PITRM1: variants seen among roughly 807,000 people sequenced by gnomAD.
The protein encoded by PITRM1 is pitrilysin metallopeptidase 1, also known as presequence protease, mitochondrial.
A neutral mutation model predicts 129.9 loss-of-function variants in PITRM1; 100 were observed. That is an observed-to-expected ratio of 0.77 (90% confidence interval 0.65 to 0.91). The LOEUF (loss-of-function observed/expected upper bound fraction) is 0.91, where lower values mean the gene tolerates loss of function less well. Among genes scored for constraint, PITRM1 ranks in the 40% least tolerant of loss-of-function variants. The probability of loss-of-function intolerance (pLI) is 0.00; values close to 1 mark genes in which losing one functional copy is unlikely to be tolerated. For missense variants in PITRM1, 1,471 were observed against 1,318.3 expected, an observed-to-expected ratio of 1.12 and a Z score of -1.79; for synonymous variants, 591 against 508.8, an observed-to-expected ratio of 1.16 and a Z score of -2.17.
At chr10:3,142,362 T>A (rs567410871) in intron 23 of PITRM1, among the ~76,000 whole-genome samples, 3 of 152,334 alleles carry the variant, frequency 2.0e-5, no homozygotes, top group South Asian at 4.1e-4. Flanking sequence ...CCTTCTCCAA[T>A]CAGGACAGGC....
chr10:3,161,090 CTA>C (rs1842407909), intron 7 of PITRM1, among the ~76,000 whole-genome samples: 1 of 152,010 alleles, frequency 6.6e-6, no homozygotes, highest in African/African-American at 2.4e-5. Flanking sequence ...GAGGTGGGTT[CTA>C]TGTTACCCAT....
chr10:3,167,880 C>T (rs1843006157), intron 2 of PITRM1: 1 of 152,020 alleles, frequency 6.6e-6, no homozygotes, highest in African/African-American at 2.4e-5. Flanking sequence ...GCTTCCAGAA[C>T]AGCTGGAGGG....
intron 14 of PITRM1, among the ~76,000 whole-genome samples, chr10:3,154,340 G>C (rs1459414311): frequency 6.6e-6 from 1 of 152,198 alleles, no homozygotes; most frequent in Non-Finnish European, 1.5e-5. Context: ...GGGCTTTCCT[G>C]GTCCGTGCAT....
At chr10:3,171,761 C>T (rs1339028219) in intron 1 of PITRM1, among the ~76,000 whole-genome samples, 3 of 152,094 alleles carry the variant, frequency 2.0e-5, no homozygotes, top group African/African-American at 2.4e-5. Context: ...TTATTCTCAC[C>T]TGAATGAGAT....
rs773455341 is a variant in PITRM1 at position 3,140,641 on chromosome 10, T to TA, written c.2771+45dup. On this transcript the variant is annotated intron_variant, in intron 24 of 26. Transcript: ENST00000224949. ...ACACTGATAATCATGAGTAGAAGAC[T>TA]AAAACGACGTGTGCATCCCAATGTG... 3.9e-6 allele frequency: 6 copies of TA among 1,545,982 alleles called. No individual in the cohort carries two copies. In the African/African-American group the frequency reaches 8.2e-5, roughly 21 times the overall value.
At position 3,149,746 on chromosome 10, in the gene PITRM1, A is replaced by C. The variant is rs1187343359; in HGVS notation, c.1746T>G (p.Asp582Glu). The C allele has an allele frequency of 2.0e-5, 32 of 1,613,656 alleles. No homozygotes were observed. Among genetic ancestry groups the C allele is most frequent in the Non-Finnish European group, 2.5e-5 (30 of 1,179,816 alleles). The change falls in exon 16 of 27, where the codon GAT becomes GAG. Residue 582 changes from aspartate to glutamate, a missense_variant. Transcript: ENST00000224949. ...TELDVVLTAG[D>E]IPVQYCAQPT... ...GCTGGGCGCAGTACTGAACAGGGATATCTCCAGCTAGAAAAACAAAAGGGA... is the reference window on the plus strand; with the variant it reads ...GCTGGGCGCAGTACTGAACAGGGATCTCTCCAGCTAGAAAAACAAAAGGGA...
rs1839691703 is a variant in PITRM1 at position 3,137,851 on chromosome 10, C to T, written c.*180G>A. On this transcript the variant is annotated 3_prime_UTR_variant, in exon 27 of 27. Transcript: ENST00000224949. ...TTTGGCGCTTCATGCATGATTATTT[C>T]AATGAACCTCTTCCTGGTCACTCTT... is the stretch of plus-strand genomic sequence containing the variant. 2 of 585,154 alleles carry T rather than the reference C, an allele frequency of 3.4e-6. No homozygotes were observed. Among genetic ancestry groups the T allele is most frequent in the East Asian group, 2.9e-5 (1 of 34,964 alleles). The allele number at this position is 585,154 out of a possible 1,614,324, so 36.2% of individuals were successfully genotyped here.
rs748384894 is a variant in PITRM1, at chr10:3,144,385, A to T, written c.2458-19T>A. 3.0e-5 allele frequency: 44 copies of T among 1,461,922 alleles called. No homozygotes were observed. In the East Asian group the frequency reaches 1.1e-3, roughly 35 times the overall value. 90.6% of individuals were successfully genotyped at this position (1,461,922 alleles called of 1,614,324 possible). On this transcript the variant is annotated intron_variant, in intron 21 of 26. Transcript: ENST00000224949. ...CAGGTTTCTGAAAATCAAGTTTCCA[A>T]GAGAAAAGAGAAAAATCCAGAACTC... is the stretch of plus-strand genomic sequence containing the variant.
chr10:3,166,311 A>G lies in PITRM1; in HGVS notation c.336T>C (p.Cys112=), dbSNP rs376504978. Residue 112 remains cysteine, a synonymous_variant, in exon 4 of 27, where the codon TGT becomes TGC. Transcript: ENST00000224949. ...VPHILEHTVL[C]GSQKYPCRDP... ...CTCTGCACGGATATTTCTGAGACCC[A>G]CAAAGGACGGTATGCTCAAGAATGT... 2 of 1,611,878 alleles carry G rather than the reference A, an allele frequency of 1.2e-6. No homozygotes were observed. Among genetic ancestry groups the G allele is most frequent in the African/African-American group, 1.3e-5 (1 of 74,612 alleles).
chr10:3,163,781 A>G lies in PITRM1; in HGVS notation c.735T>C (p.Leu245=). The G allele has an allele frequency of 6.2e-7, 1 of 1,613,314 alleles. No individual in the cohort carries two copies. The highest frequency in any genetic ancestry group is 8.5e-7 in the Non-Finnish European group (1 of 1,179,636). ...GAAACTGCTTAAGCTGCTCCCATGT[A>G]AGCTCCGGGATGCACAGTGGGTCAC... The part of the protein sequence containing the change: ...SGGDPLCIPE[L]TWEQLKQFHA... Residue 245 remains leucine, a synonymous_variant, in exon 7 of 27, where the codon CTT becomes CTC. Transcript: ENST00000224949.
chr10:3,167,271 T>TAGAAAG (rs1554802490), intron 2 of PITRM1, among the ~76,000 whole-genome samples: 1 of 126,490 alleles, frequency 7.9e-6, no homozygotes, highest in African/African-American at 2.9e-5. Flanking sequence ...TGTGTGTGTA[T>TAGAAAG]AGAAAGAGAG....
chr10:3,145,295 G>A, intron 21 of PITRM1: 1 of 356,168 alleles, frequency 2.8e-6, no homozygotes, highest in South Asian at 5.0e-5. Flanking sequence ...GCTACGGTTT[G>A]GGCCATTCCT....
chr10:3,139,699 T>A (rs1480705675), intron 24 of PITRM1, among the ~76,000 whole-genome samples: 1 of 152,226 alleles, frequency 6.6e-6, no homozygotes, highest in African/African-American at 2.4e-5. Context: ...AGGGTCTCAC[T>A]GTCGCCCAGG....
intron 25 of PITRM1, 166 bp downstream of exon 25, chr10:3,138,738 G>C: frequency 2.5e-6 from 2 of 795,676 alleles, no homozygotes; most frequent in Non-Finnish European, 4.6e-6. Context: ...TTCTCGCCCG[G>C]ATGTCAGGAA....
At chr10:3,149,959 ATG>A (rs1841339909) in intron 15 of PITRM1, among the ~76,000 whole-genome samples, 1 of 152,150 alleles carries the variant, frequency 6.6e-6, no homozygotes, top group African/African-American at 2.4e-5. Flanking sequence ...TCTCCAAGGA[ATG>A]GGAACGGAAG....
intron 2 of PITRM1, among the ~76,000 whole-genome samples, chr10:3,169,841 G>C (rs1159556734): frequency 6.6e-6 from 1 of 152,210 alleles, no homozygotes; most frequent in Non-Finnish European, 1.5e-5. Flanking sequence ...TAGTGTGTCT[G>C]ATTACAGAGA....
At position 3,147,150 on chromosome 10, in the gene PITRM1, C is replaced by A; in HGVS notation, c.2336G>T (p.Arg779Met). ...KKHLLNGDNM[R>M]CSVNATPQQM... The stretch of plus-strand genomic sequence containing the variant: ...ATTTAGAAACAAATCACACATGCAC[C>A]TCATATTATCACCATTTAACAAGTG... The change falls in exon 20 of 27, where the codon AGG becomes ATG. Residue 779 changes from arginine to methionine, a missense_variant and splice_region_variant. Transcript: ENST00000224949. 6.9e-7 allele frequency: 1 copy of A among 1,447,762 alleles called. No individual in the cohort carries two copies. The highest frequency in any genetic ancestry group is 1.1e-5 in the South Asian group (1 of 87,210). 89.7% of individuals were successfully genotyped at this position (1,447,762 alleles called of 1,614,324 possible). A position where few individuals can be genotyped will look rare whatever the true frequency, so the allele number is the denominator to read the frequency against.
chr10:3,138,663 C>T lies in PITRM1; in HGVS notation c.2917+241G>A, dbSNP rs142849432. The T allele has an allele frequency of 7.6e-3, 4,820 of 633,010 alleles. 40 individuals carry two copies. Among genetic ancestry groups the T allele is most frequent in the Middle Eastern group, 0.024 (56 of 2,340 alleles). 39.2% of individuals were successfully genotyped at this position (633,010 alleles called of 1,614,324 possible). A position where few individuals can be genotyped will look rare whatever the true frequency, so the allele number is the denominator to read the frequency against. On this transcript the variant is annotated intron_variant, in intron 25 of 26. Transcript: ENST00000224949. The stretch of plus-strand genomic sequence containing the variant: ...CGTCCTCCTTCCACCCTAAAGAGCC[C>T]GGACACTGCCATGGGTTGGCCCCAC...
chr10:3,168,915 T>TACACACACACAC (rs61366911), intron 2 of PITRM1, among the ~76,000 whole-genome samples: 9 of 142,842 alleles, frequency 6.3e-5, no homozygotes, highest in Admixed American at 6.3e-4. Flanking sequence ...AGTTTCCATC[T>TACACACACACAC]ACACACACAC....
Sources: gnomAD v4.1 joint callset for allele counts (sites outside exome capture counted in the v4.1 genomes callset) on GRCh38, gnomAD v4.1.1 for gene constraint, MANE v1.5 for transcripts, NCBI Gene and HGNC (gene_info 2026-07-23, HGNC 2026-07-21) for gene names.